Variants in STT3B observed in about 807,000 individuals in gnomAD.
The protein encoded by STT3B is STT3 oligosaccharyltransferase complex catalytic subunit B.
In STT3B, 29 loss-of-function variants were observed where a neutral mutation model predicts 96.8. The ratio of observed to expected loss-of-function variants is 0.30; its 90% CI spans 0.22 to 0.41. The LOEUF is 0.41. Among genes scored for constraint, STT3B ranks in the 10% least tolerant of loss-of-function variants. The pLI, the probability that STT3B is intolerant of heterozygous loss-of-function variation, is 1.00. For synonymous variants in STT3B, 367 were observed against 360.0 expected (o/e 1.02, Z -0.22); for missense variants, 640 against 1,022.3 (o/e 0.63, Z 5.10).
chr3:31,561,541 C>G (rs1350932681), intron 1 of STT3B, among the ~76,000 whole-genome samples: 1 of 152,004 alleles, frequency 6.6e-6, no homozygotes, highest in Non-Finnish European at 1.5e-5. Flanking sequence ...TTTGTGTGTG[C>G]CCATTTAACC....
intron 1 of STT3B, 189 bp downstream of exon 1, chr3:31,533,501 C>G: frequency 3.1e-6 from 2 of 650,264 alleles, no homozygotes; most frequent in Non-Finnish European, 4.3e-6. Context: ...TTGCCCCGTG[C>G]AGCCTGAGGC....
intron 1 of STT3B, among the ~76,000 whole-genome samples, chr3:31,539,728 A>G (rs1248946716): frequency 4.6e-5 from 7 of 152,176 alleles, no homozygotes; most frequent in Non-Finnish European, 7.4e-5. Flanking sequence ...TTAACCTTCA[A>G]TTACTATGGG....
intron 1 of STT3B, among the ~76,000 whole-genome samples, chr3:31,552,012 C>T (rs1697572710): frequency 6.6e-6 from 1 of 152,134 alleles, no homozygotes; most frequent in Admixed American, 6.5e-5. Context: ...CAGATTATTT[C>T]CCTAATTTAG....
At chr3:31,572,478 C>G (rs1330977474) in intron 1 of STT3B, among the ~76,000 whole-genome samples, 3 of 152,000 alleles carry the variant, frequency 2.0e-5, no homozygotes, top group African/African-American at 4.8e-5. Flanking sequence ...TCTCTAACCT[C>G]AAGTTTAAGA....
chr3:31,558,154 A>G (rs146406112), intron 1 of STT3B, among the ~76,000 whole-genome samples: 4 of 152,264 alleles, frequency 2.6e-5, no homozygotes, highest in East Asian at 3.9e-4. Context: ...CTCTTTTTCA[A>G]TTTGGATGCC....
chr3:31,553,358 C>T (rs1320400723), intron 1 of STT3B, among the ~76,000 whole-genome samples: 5 of 152,112 alleles, frequency 3.3e-5, no homozygotes, highest in African/African-American at 1.2e-4. Context: ...ATTATTTCCT[C>T]CCCCGGAAAC....
chr3:31,630,548 T>C (rs1699632968), intron 14 of STT3B, among the ~76,000 whole-genome samples: 1 of 152,232 alleles, frequency 6.6e-6, no homozygotes, highest in African/African-American at 2.4e-5. Flanking sequence ...TCTTAATAAA[T>C]TTGTTTTGCT....
chr3:31,572,161 T>C (rs1698173025), intron 1 of STT3B, among the ~76,000 whole-genome samples: 1 of 141,388 alleles, frequency 7.1e-6, no homozygotes, highest in Non-Finnish European at 1.5e-5. Context: ...TATAATATAA[T>C]ATATAGCTAA....
At chr3:31,574,924 T>A (rs988815466) in intron 1 of STT3B, among the ~76,000 whole-genome samples, 1 of 152,220 alleles carries the variant, frequency 6.6e-6, no homozygotes, top group African/African-American at 2.4e-5. Flanking sequence ...TAAATTTTTT[T>A]ATACTTTTTA....
At chr3:31,625,249 A>G (rs886707405) in intron 12 of STT3B, among the ~76,000 whole-genome samples, 164 bp downstream of exon 12, 1 of 152,140 alleles carries the variant, frequency 6.6e-6, no homozygotes, top group Non-Finnish European at 1.5e-5. Context: ...AGGTGTGCTT[A>G]TTTTGTTTTT....
At chr3:31,586,797 G>A (rs909239177) in intron 3 of STT3B, among the ~76,000 whole-genome samples, 1 of 152,058 alleles carries the variant, frequency 6.6e-6, no homozygotes, top group Non-Finnish European at 1.5e-5. Flanking sequence ...AAATCAGGTA[G>A]CATGAGTAAT....
chr3:31,632,806 A>G (rs1699690271), intron 14 of STT3B, 129 bp from the exon 15 acceptor site: 3 of 781,162 alleles, frequency 3.8e-6, no homozygotes, highest in Non-Finnish European at 6.3e-6. Flanking sequence ...CTATTAAGGT[A>G]GATAGATTAC....
Position 31,635,134 on chromosome 3 carries a change from C to T in STT3B, c.2401-850C>T, listed in dbSNP as rs188820585. Among the ~76,000 whole-genome samples the T allele has an allele frequency of 1.7e-3, 259 of 152,262 alleles. 2 individuals carry two copies. Among genetic ancestry groups the T allele is most frequent in the African/African-American group, 6.0e-3 (250 of 41,564 alleles). ...AAATGTGAAAATTGAATTGAGTGGTCAGTCTCTTGAGTCTTCTGCCTCTGT... is the reference window on the plus strand; with the variant it reads ...AAATGTGAAAATTGAATTGAGTGGTTAGTCTCTTGAGTCTTCTGCCTCTGT... On this transcript the variant is annotated intron_variant, in intron 15 of 15. Transcript: ENST00000295770.
chr3:31,603,122 G>A lies in STT3B; in HGVS notation c.877+2663G>A, dbSNP rs112904289. Among the ~76,000 whole-genome samples, 398 of 152,262 alleles carry A rather than the reference G, an allele frequency of 2.6e-3. 2 individuals are homozygous for A. Among genetic ancestry groups the A allele is most frequent in the African/African-American group, 9.4e-3 (390 of 41,546 alleles). ...GTTTAGGTAAAAAAAAATAAGGATT[G>A]ATAAATGTCAGACTCATAATTATAT... On this transcript the variant is annotated intron_variant, in intron 5 of 15. Transcript: ENST00000295770.
At chr3:31,568,741 G>C (rs1296816955) in intron 1 of STT3B, among the ~76,000 whole-genome samples, 1 of 152,092 alleles carries the variant, frequency 6.6e-6, no homozygotes. Context: ...TTGTTGTTTT[G>C]AGTGTAAATT....
chr3:31,539,718 T>G (rs1036651673), intron 1 of STT3B, among the ~76,000 whole-genome samples: 4 of 152,154 alleles, frequency 2.6e-5, no homozygotes, highest in African/African-American at 9.7e-5. Context: ...GTTAAGACTT[T>G]TAACCTTCAA....
chr3:31,543,878 G>A (rs185311188), intron 1 of STT3B, among the ~76,000 whole-genome samples: 1 of 152,304 alleles, frequency 6.6e-6, no homozygotes, highest in Admixed American at 6.5e-5. Context: ...TAACTCACTA[G>A]TTAGGGAACA....
chr3:31,631,425 G>C (rs1006337406), intron 14 of STT3B, among the ~76,000 whole-genome samples: 1 of 152,108 alleles, frequency 6.6e-6, no homozygotes, highest in African/African-American at 2.4e-5. Context: ...GCTTGTTTCT[G>C]ATTAGTTTCT....
rs772238681 is a variant in STT3B at position 31,576,412 on chromosome 3, A to G, written c.331A>G (p.Thr111Ala). ...TTTCTCTAGGTTTAACTATAGATCAACACATCATCTTGCATCTCATGGGTT... is the reference window on the plus strand; with the variant it reads ...TTTCTCTAGGTTTAACTATAGATCAGCACATCATCTTGCATCTCATGGGTT... ...EFDPWFNYRS[T>A]HHLASHGFYE... The change falls in exon 2 of 16, where the codon ACA (threonine) becomes GCA (alanine). Residue 111 changes from threonine (T) to alanine (A), a missense_variant. Physicochemically the swap from Thr to Ala is moderately conservative, Grantham distance 58. Around this residue, in one of 8 missense-constraint regions of STT3B, gnomAD observed 267 missense variants for 388.3 expected, o/e 0.69. Transcript: ENST00000295770. 1.5e-5 allele frequency: 24 copies of G among 1,597,294 alleles called. No individual in the cohort carries two copies. The highest frequency in any genetic ancestry group is 1.9e-5 in the Non-Finnish European group (22 of 1,170,396).
Sources: gnomAD v4.1 joint callset for allele counts (sites outside exome capture counted in the v4.1 genomes callset) on GRCh38, gnomAD v4.1.1 for gene constraint, gnomAD v4.1.1 regional missense constraint, MANE v1.5 for transcripts, NCBI Gene and HGNC (gene_info 2026-07-23, HGNC 2026-07-21) for gene names.